The following SNX24 variants were observed in gnomAD, a reference collection of about 807,000 sequenced individuals.
SNX24 encodes sorting nexin 24, also known as sorting nexin-24.
SNX24 carries 22 observed loss-of-function variants against 28.7 expected under a neutral mutation model. That is an observed-to-expected ratio of 0.77 (90% CI 0.55 to 1.10). The LOEUF (loss-of-function observed/expected upper bound fraction) is 1.10, where lower values mean the gene tolerates loss of function less well. SNX24 is among the 50% of genes least tolerant of loss of function. SNX24 has a pLI of 0.00. For missense variants in SNX24, 221 were observed against 201.1 expected, an observed-to-expected ratio of 1.10 and a Z score of -0.60; for synonymous variants, 69 against 71.5, an observed-to-expected ratio of 0.96 and a Z score of 0.18.
intron 1 of SNX24, among the ~76,000 whole-genome samples, chr5:122,917,683 A>C (rs148832148): frequency 6.6e-6 from 1 of 152,196 alleles, no homozygotes; most frequent in Non-Finnish European, 1.5e-5. Context: ...TAGCACAGAA[A>C]TCATAAAACT....
intron 1 of SNX24, among the ~76,000 whole-genome samples, chr5:122,886,974 A>C (rs1756746730): frequency 6.6e-6 from 1 of 152,202 alleles, no homozygotes; most frequent in Admixed American, 6.5e-5. Context: ...TTAATTTAAA[A>C]AAAGTTATTT....
At chr5:122,977,894 C>G (rs761327032) in intron 3 of SNX24, among the ~76,000 whole-genome samples, 1 of 152,090 alleles carries the variant, frequency 6.6e-6, no homozygotes, top group Non-Finnish European at 1.5e-5. Context: ...AAAATTTAGC[C>G]TGTTTCATAA....
intron 1 of SNX24, among the ~76,000 whole-genome samples, chr5:122,933,731 G>T (rs1759059148): frequency 1.3e-5 from 2 of 151,748 alleles, no homozygotes; most frequent in Non-Finnish European, 2.9e-5. Context: ...GGGTTTTTTT[G>T]TTGTTTGTTT....
intron 2 of SNX24, 48 bp downstream of exon 2, chr5:122,936,865 A>G (rs1173765898): frequency 2.5e-6 from 3 of 1,185,094 alleles, no homozygotes; most frequent in African/African-American, 1.5e-5. Flanking sequence ...GGCAGATGGT[A>G]TAATGTTAAC....
At chr5:122,918,232 G>A (rs777083683) in intron 1 of SNX24, among the ~76,000 whole-genome samples, 2 of 152,116 alleles carry the variant, frequency 1.3e-5, no homozygotes, top group Non-Finnish European at 2.9e-5. Context: ...TTCAGCATAC[G>A]AATTGGGAGG....
At chr5:122,917,358 A>G (rs546103740) in intron 1 of SNX24, among the ~76,000 whole-genome samples, 42 of 152,174 alleles carry the variant, frequency 2.8e-4, no homozygotes, top group Non-Finnish European at 5.4e-4. Flanking sequence ...TGGTTTCTCC[A>G]TGGAAAATAC....
At chr5:123,025,075 G>A (rs1481090143) in intron 5 of SNX24, among the ~76,000 whole-genome samples, 1 of 152,156 alleles carries the variant, frequency 6.6e-6, no homozygotes, top group Non-Finnish European at 1.5e-5. Context: ...ATGTGACCTA[G>A]GTGTCTGAGC....
intron 1 of SNX24, among the ~76,000 whole-genome samples, chr5:122,893,475 C>A (rs1232217199): frequency 6.6e-6 from 1 of 151,996 alleles, no homozygotes; most frequent in African/African-American, 2.4e-5. Context: ...TCAGTAAATA[C>A]AACTAAGAAA....
chr5:122,978,225 G>A (rs758152065), intron 3 of SNX24, among the ~76,000 whole-genome samples: 12 of 152,320 alleles, frequency 7.9e-5, no homozygotes, highest in African/African-American at 9.6e-5. Flanking sequence ...TTACAAGTGT[G>A]ATAAATTTAG....
At chr5:122,987,255 G>C (rs1761642352) in intron 3 of SNX24, among the ~76,000 whole-genome samples, 1 of 152,122 alleles carries the variant, frequency 6.6e-6, no homozygotes, top group Non-Finnish European at 1.5e-5. Context: ...TTTCGAGTGT[G>C]GTTCCTGGAT....
At chr5:122,956,367 TACACACACACACACACAC>T (rs9327282) in intron 3 of SNX24, among the ~76,000 whole-genome samples, 26 of 147,142 alleles carry the variant, frequency 1.8e-4, no homozygotes, top group Admixed American at 4.7e-4. Flanking sequence ...AAAAAATATA[TACACACACACACACACAC>T]ACACACACAC....
intron 3 of SNX24, among the ~76,000 whole-genome samples, chr5:122,968,927 T>G (rs1760832132): frequency 6.6e-6 from 1 of 152,104 alleles, no homozygotes. Flanking sequence ...TCAGGTATAA[T>G]TAAATATGCA....
intron 3 of SNX24, among the ~76,000 whole-genome samples, chr5:122,968,526 GA>G (rs1431233525): frequency 6.6e-6 from 1 of 152,168 alleles, no homozygotes; most frequent in Non-Finnish European, 1.5e-5. Context: ...ATCTCATCAG[GA>G]AATCTTTGTA....
chr5:123,023,247 T>A (rs1762787979), intron 5 of SNX24: 1 of 152,256 alleles, frequency 6.6e-6, no homozygotes, highest in Non-Finnish European at 1.5e-5. Flanking sequence ...ATGGGCATAA[T>A]TTCTGAGTTA....
chr5:122,874,649 G>C (rs1756143095), intron 1 of SNX24, among the ~76,000 whole-genome samples: 1 of 152,202 alleles, frequency 6.6e-6, no homozygotes, highest in Non-Finnish European at 1.5e-5. Context: ...AAAGAAGCTA[G>C]GGTTATGTTT....
chr5:123,005,094 A>G (rs1762379124), intron 6 of SNX24, among the ~76,000 whole-genome samples: 1 of 152,114 alleles, frequency 6.6e-6, no homozygotes, highest in Admixed American at 6.6e-5. Flanking sequence ...AAACAACCCA[A>G]AACCCTGATT....
chr5:123,004,590 A>G (rs1447168511), intron 6 of SNX24, among the ~76,000 whole-genome samples: 2 of 152,130 alleles, frequency 1.3e-5, no homozygotes, highest in Non-Finnish European at 2.9e-5. Context: ...ACAATATTGT[A>G]TCTCCATCTC....
intron 1 of SNX24, among the ~76,000 whole-genome samples, chr5:122,894,734 G>C (rs1757127235): frequency 6.6e-6 from 1 of 152,180 alleles, no homozygotes; most frequent in African/African-American, 2.4e-5. Flanking sequence ...GATGGTTTTA[G>C]AAGGAAGAGG....
rs755204093 is a variant in SNX24 at position 123,028,834 on chromosome 5, C to A, written n.384-404C>A. 3.0e-5 allele frequency: 48 copies of A among 1,613,354 alleles called. 1 individual carries two copies. In the Admixed American group the frequency reaches 7.5e-4, roughly 25 times the overall value. ...TTGAATCATGAAATCCTTGATGACA[C>A]GATGAAACTTGCTTCCTTTATATCC... On this transcript the variant is annotated intron_variant and non_coding_transcript_variant, in intron 5 of 5. Coordinates refer to the SNX24 transcript ENST00000502387.
Sources: gnomAD v4.1 joint callset for allele counts (sites outside exome capture counted in the v4.1 genomes callset) on GRCh38, gnomAD v4.1.1 for gene constraint, MANE v1.5 for transcripts, NCBI Gene and HGNC (gene_info 2026-07-23, HGNC 2026-07-21) for gene names.